Variants in IL1RAPL1 observed in about 807,000 individuals in gnomAD.
IL1RAPL1 encodes interleukin-1 receptor accessory protein-like 1.
Under a neutral mutation model 48.4 loss-of-function variants are expected in IL1RAPL1, and 3 were observed. The observed-to-expected ratio is 0.06, with a 90% CI of 0.03 to 0.16. The LOEUF is 0.16. Ranked by LOEUF, IL1RAPL1 falls within the 10% of genes least tolerant of loss-of-function variation. The pLI, the probability that IL1RAPL1 is intolerant of heterozygous loss-of-function variation, is 1.00. For missense variants in IL1RAPL1, 349 were observed against 530.6 expected (o/e 0.66, Z 3.36); for synonymous variants, 185 against 187.7 (o/e 0.99, Z 0.12).
chrX:29,477,487 C>A (rs1245752691), intron 5 of IL1RAPL1, among the ~76,000 whole-genome samples: 5 of 111,866 alleles, frequency 4.5e-5, no homozygotes, highest in African/African-American at 1.3e-4. Flanking sequence ...CTCCATCTTC[C>A]AAGTATTCCT....
chrX:28,819,008 T>C (rs1936900436), intron 2 of IL1RAPL1, among the ~76,000 whole-genome samples: 1 of 110,849 alleles, frequency 9.0e-6, no homozygotes, highest in Non-Finnish European at 1.9e-5. Context: ...GTCTCCTCGA[T>C]ATTTACTCCA....
chrX:29,415,934 C>G (rs770856151), intron 5 of IL1RAPL1, among the ~76,000 whole-genome samples: 1 of 111,846 alleles, frequency 8.9e-6, no homozygotes, highest in Non-Finnish European at 1.9e-5. Flanking sequence ...ATAGAATCAA[C>G]AATTGAGTCA....
At chrX:29,093,625 T>C (rs1326811810) in intron 2 of IL1RAPL1, among the ~76,000 whole-genome samples, 5 of 111,903 alleles carry the variant, frequency 4.5e-5, no homozygotes, top group Admixed American at 1.9e-4. Context: ...GGAACACTTA[T>C]TATGTGTTAG....
chrX:28,976,079 T>G (rs1925197492), intron 2 of IL1RAPL1, among the ~76,000 whole-genome samples: 1 of 112,485 alleles, frequency 8.9e-6, no homozygotes, highest in Admixed American at 9.4e-5. Flanking sequence ...TAATGTCTTG[T>G]AAGTTAAAAG....
chrX:28,643,240 A>T (rs2146899778), intron 1 of IL1RAPL1, among the ~76,000 whole-genome samples: 1 of 111,238 alleles, frequency 9.0e-6, no homozygotes, highest in African/African-American at 3.3e-5. Context: ...GCATTGGCAA[A>T]TTAATGCTGG....
At chrX:29,760,604 A>G (rs1187741686) in intron 6 of IL1RAPL1, among the ~76,000 whole-genome samples, 1 of 111,413 alleles carries the variant, frequency 9.0e-6, no homozygotes, top group Admixed American at 9.6e-5. Flanking sequence ...TGGAATCTAC[A>G]TTTTTAAACA....
chrX:29,095,939 T>C (rs1048161279), intron 2 of IL1RAPL1, among the ~76,000 whole-genome samples: 2 of 111,613 alleles, frequency 1.8e-5, no homozygotes, highest in African/African-American at 6.5e-5. Flanking sequence ...TTCAGTTGTT[T>C]ATTTGAAAAG....
At chrX:28,972,595 C>T (rs1220777886) in intron 2 of IL1RAPL1, among the ~76,000 whole-genome samples, 2 of 110,519 alleles carry the variant, frequency 1.8e-5, no homozygotes, top group African/African-American at 3.3e-5. Flanking sequence ...AAAAATTAGC[C>T]GGGCGTGGTG....
At chrX:29,452,675 A>G (rs1027193663) in intron 5 of IL1RAPL1, among the ~76,000 whole-genome samples, 3 of 111,474 alleles carry the variant, frequency 2.7e-5, no homozygotes, top group Non-Finnish European at 3.8e-5. Flanking sequence ...ACAAGTGCCT[A>G]TAACAGTGCC....
chrX:29,016,715 T>C (rs746163936), intron 2 of IL1RAPL1, among the ~76,000 whole-genome samples: 12 of 111,447 alleles, frequency 1.1e-4, no homozygotes, highest in Non-Finnish European at 2.3e-4. Flanking sequence ...ATCAGTATAG[T>C]AATTCTGTAA....
rs1174819772 is a variant in IL1RAPL1 at position 28,820,269 on chromosome X, T to C, written c.82+30844T>C. On this transcript the variant is annotated intron_variant, in intron 2 of 10. Transcript: ENST00000378993. ...TTGTCCCTGATGTAACAGTGATATT[T>C]ATATAATTAAATGACTATTTTTGAA... is the stretch of plus-strand genomic sequence containing the variant. Among the ~76,000 whole-genome samples, 8 of 109,089 alleles carry C rather than the reference T, an allele frequency of 7.3e-5. No homozygotes were observed. The East Asian group carries it at 2.3e-3, about 32-fold the overall frequency. 94.7% of individuals were successfully genotyped at this position (109,089 alleles called of 115,157 possible).
chrX:29,388,402 C>T (rs767001398), intron 3 of IL1RAPL1, among the ~76,000 whole-genome samples: 9 of 111,015 alleles, frequency 8.1e-5, no homozygotes, highest in Non-Finnish European at 1.7e-4. Context: ...AAAGTTAAAC[C>T]ATATGACCCA....
intron 5 of IL1RAPL1, among the ~76,000 whole-genome samples, chrX:29,608,612 G>T (rs921634088): frequency 9.1e-6 from 1 of 110,094 alleles, no homozygotes; most frequent in African/African-American, 3.3e-5. Flanking sequence ...GGATCACGAG[G>T]TCAGGAGATC....
At chrX:28,847,972 A>G (rs1921555804) in intron 2 of IL1RAPL1, among the ~76,000 whole-genome samples, 1 of 112,159 alleles carries the variant, frequency 8.9e-6, no homozygotes, top group Non-Finnish European at 1.9e-5. Flanking sequence ...ACACCATAGA[A>G]TACTATGCAG....
At chrX:28,863,643 A>G (rs987266551) in intron 2 of IL1RAPL1, among the ~76,000 whole-genome samples, 1 of 111,421 alleles carries the variant, frequency 9.0e-6, no homozygotes, top group Non-Finnish European at 1.9e-5. Context: ...TCTTGAATAT[A>G]TATTTCTTTA....
At chrX:29,343,213 A>G (rs868578266) in intron 3 of IL1RAPL1, among the ~76,000 whole-genome samples, 1 of 112,554 alleles carries the variant, frequency 8.9e-6, no homozygotes, top group South Asian at 3.7e-4. Flanking sequence ...GTAAATGAAT[A>G]GTCAAATTAT....
intron 1 of IL1RAPL1, among the ~76,000 whole-genome samples, chrX:28,666,334 A>G (rs1934879157): frequency 8.9e-6 from 1 of 111,952 alleles, no homozygotes; most frequent in African/African-American, 3.2e-5. Context: ...ATAATTTAAC[A>G]AACAATGTGA....
chrX:29,397,644 C>T (rs1468899787), intron 4 of IL1RAPL1, among the ~76,000 whole-genome samples: 1 of 110,811 alleles, frequency 9.0e-6, no homozygotes, highest in Non-Finnish European at 1.9e-5. Flanking sequence ...CCTCACATCT[C>T]AAACCACCCT....
At chrX:29,341,811 T>A (rs1359414286) in intron 3 of IL1RAPL1, among the ~76,000 whole-genome samples, 2 of 110,969 alleles carry the variant, frequency 1.8e-5, no homozygotes, top group Non-Finnish European at 3.8e-5. Flanking sequence ...GCTTTGATTC[T>A]TTTTTTAATT....
Sources: allele counts gnomAD v4.1 joint callset (sites outside exome capture counted in the v4.1 genomes callset), GRCh38; gene constraint gnomAD v4.1.1; transcripts MANE v1.5; gene names NCBI Gene and HGNC (gene_info 2026-07-23, HGNC 2026-07-21).